The following NFIA variants were observed in gnomAD, a reference collection of about 807,000 sequenced individuals.
NFIA encodes the protein nuclear factor 1 A-type.
In NFIA, 8 loss-of-function variants were observed where a neutral mutation model predicts 62.8. The observed-to-expected ratio is 0.13, with a 90% CI of 0.07 to 0.23. The LOEUF is 0.23. Ranked by LOEUF, NFIA falls within the 10% of genes least tolerant of loss-of-function variation. The probability of loss-of-function intolerance (pLI) is 1.00; values close to 1 mark genes in which losing one functional copy is unlikely to be tolerated. For missense variants in NFIA, 410 were observed against 642.1 expected (o/e 0.64, Z 3.91); for synonymous variants, 235 against 238.1 (o/e 0.99, Z 0.12).
intron 3 of NFIA, among the ~76,000 whole-genome samples, chr1:61,330,162 T>C (rs1415075760): frequency 6.6e-6 from 1 of 152,146 alleles, no homozygotes; most frequent in Non-Finnish European, 1.5e-5. Flanking sequence ...AGAATACCTG[T>C]GGGCTATCTG....
Position 61,426,490 on chromosome 1 carries a change from C to G in NFIA, c.1446C>G (p.Pro482=), listed in dbSNP as rs1286660443. 9.0e-6 allele frequency: 14 copies of G among 1,551,872 alleles called. No individual in the cohort carries two copies. Among genetic ancestry groups the G allele is most frequent in the Non-Finnish European group, 3.5e-6 (4 of 1,147,042 alleles). Residue 482 remains proline, a synonymous_variant, in exon 10 of 11, where the codon CCC becomes CCG. Transcript: ENST00000403491. ...SPTYSTPSTS[P]ANRFVSVGPR... is the part of the protein sequence containing the mutation. ...CCTACTCGACACCCAGCACCTCCCC[C>G]GCAAACCGATTCGTCAGTGTTGGAC... is the stretch of plus-strand genomic sequence containing the variant.
chr1:61,428,030 G>A (rs777055651), intron 10 of NFIA, among the ~76,000 whole-genome samples: 6 of 152,190 alleles, frequency 3.9e-5, no homozygotes, highest in Admixed American at 3.3e-4. Context: ...ACTGGAGATG[G>A]TGGCTCTATA....
chr1:61,263,112 C>A (rs937110175), intron 2 of NFIA, among the ~76,000 whole-genome samples: 1 of 152,132 alleles, frequency 6.6e-6, no homozygotes, highest in African/African-American at 2.4e-5. Flanking sequence ...TTTTCCTTTT[C>A]CAACTATTTC....
At chr1:61,177,543 C>G (rs1650460821) in intron 2 of NFIA, among the ~76,000 whole-genome samples, 1 of 152,020 alleles carries the variant, frequency 6.6e-6, no homozygotes, top group Non-Finnish European at 1.5e-5. Flanking sequence ...ACAAGATAAT[C>G]AAAGCATGGA....
intron 2 of NFIA, among the ~76,000 whole-genome samples, chr1:61,149,859 T>TA (rs1420853999): frequency 2.0e-4 from 30 of 152,334 alleles, no homozygotes; most frequent in Admixed American, 1.8e-3. Flanking sequence ...TGACCACTGT[T>TA]ACTGCAATGA....
chr1:61,222,163 G>A (rs556579595), intron 2 of NFIA, among the ~76,000 whole-genome samples: 1 of 152,168 alleles, frequency 6.6e-6, no homozygotes, highest in Admixed American at 6.5e-5. Flanking sequence ...TCTTTGTTAT[G>A]GAGAAGTTTA....
At chr1:61,259,341 A>G (rs867456007) in intron 2 of NFIA, among the ~76,000 whole-genome samples, 1 of 152,182 alleles carries the variant, frequency 6.6e-6, no homozygotes, top group Non-Finnish European at 1.5e-5. Context: ...TTCCTTTAAA[A>G]TCTTGCCCGG....
chr1:61,135,072 A>C (rs1466141698), intron 2 of NFIA, among the ~76,000 whole-genome samples: 1 of 152,270 alleles, frequency 6.6e-6, no homozygotes, highest in Non-Finnish European at 1.5e-5. Context: ...AGAATTCTTA[A>C]ATCTAAGAAA....
At chr1:61,081,825 C>G, upstream of NFIA, 1 of 1,493,526 alleles carries the variant, frequency 6.7e-7, no homozygotes, top group Non-Finnish European at 8.9e-7. Flanking sequence ...CCTCTGCCGA[C>G]GAATCTATTC....
intron 9 of NFIA, among the ~76,000 whole-genome samples, chr1:61,418,104 T>G (rs1450497839): frequency 6.6e-6 from 1 of 152,210 alleles, no homozygotes; most frequent in African/African-American, 2.4e-5. Flanking sequence ...AAAGTATTAT[T>G]TGAGATTTTT....
intron 2 of NFIA, among the ~76,000 whole-genome samples, chr1:61,263,368 G>A (rs570873244): frequency 6.6e-6 from 1 of 152,138 alleles, no homozygotes; most frequent in East Asian, 1.9e-4. Flanking sequence ...TTTAAACATT[G>A]CTGTGAGGAG....
At chr1:61,380,379 G>T (rs72666663) in intron 6 of NFIA, among the ~76,000 whole-genome samples, 12,243 of 152,088 alleles carry the variant, frequency 0.08, 574 homozygotes, top group Middle Eastern at 0.12. Flanking sequence ...AAGTTTTAAT[G>T]CATTGAAAGA....
At chr1:61,113,380 G>A (rs1209653650) in intron 2 of NFIA, among the ~76,000 whole-genome samples, 1 of 152,012 alleles carries the variant, frequency 6.6e-6, no homozygotes, top group Non-Finnish European at 1.5e-5. Context: ...ATTGCCTGAG[G>A]TCAGGAGTTT....
intron 2 of NFIA, among the ~76,000 whole-genome samples, chr1:61,244,238 A>G (rs1655513099): frequency 6.6e-6 from 1 of 152,202 alleles, no homozygotes; most frequent in African/African-American, 2.4e-5. Context: ...TGCGATAATA[A>G]TTGTGGTGTT....
intron 2 of NFIA, chr1:61,249,169 T>G (rs1406095055): frequency 6.6e-6 from 1 of 152,228 alleles, no homozygotes; most frequent in South Asian, 2.1e-4. Flanking sequence ...AAGTGTAGTG[T>G]AAACTATTTT....
At chr1:61,205,613 A>T (rs929280568) in intron 2 of NFIA, among the ~76,000 whole-genome samples, 1 of 152,194 alleles carries the variant, frequency 6.6e-6, no homozygotes, top group Non-Finnish European at 1.5e-5. Context: ...AATAACTTCC[A>T]CATCCTTAGT....
chr1:61,410,925 T>C lies in NFIA; in HGVS notation c.1420+4198T>C, dbSNP rs570536423. Among the ~76,000 whole-genome samples the C allele has an allele frequency of 3.3e-5, 5 of 151,970 alleles. No homozygotes were observed. The South Asian group carries it at 8.3e-4, about 25-fold the overall frequency. Reference sequence around the variant, plus strand: ...CTGTTTCAAAAAATATATATAAAAATAAATAAAAATAAAAGTAGGAAAATA... The same window carrying C: ...CTGTTTCAAAAAATATATATAAAAACAAATAAAAATAAAAGTAGGAAAATA... On this transcript the variant is annotated intron_variant, in intron 9 of 10. Transcript: ENST00000403491.
intron 2 of NFIA, among the ~76,000 whole-genome samples, chr1:61,104,648 TTC>T (rs1284458622): frequency 6.6e-6 from 1 of 152,044 alleles, no homozygotes; most frequent in Non-Finnish European, 1.5e-5. Context: ...ATCAAAATCA[TTC>T]TACTGCAGAC....
chr1:61,329,464 C>T (rs887041552), intron 3 of NFIA, among the ~76,000 whole-genome samples: 1 of 149,666 alleles, frequency 6.7e-6, no homozygotes, highest in African/African-American at 2.5e-5. Flanking sequence ...CTCACTGCAA[C>T]CTCTGCCTCC....
Sources: gnomAD v4.1 joint callset for allele counts (sites outside exome capture counted in the v4.1 genomes callset) on GRCh38, gnomAD v4.1.1 for gene constraint, MANE v1.5 for transcripts, NCBI Gene and HGNC (gene_info 2026-07-23, HGNC 2026-07-21) for gene names.